Variants in SLC2A13 observed in about 807,000 individuals in gnomAD.
The protein encoded by SLC2A13 is solute carrier family 2 member 13.
SLC2A13 carries 32 observed loss-of-function variants against 64.4 expected under a neutral mutation model. The ratio of observed to expected loss-of-function variants is 0.50; its 90% CI spans 0.37 to 0.67. The LOEUF is 0.67. Among genes scored for constraint, SLC2A13 ranks in the 30% least tolerant of loss-of-function variants. The pLI is 0.00. For missense variants in SLC2A13, 743 were observed against 829.2 expected (o/e 0.90, Z 1.28); for synonymous variants, 338 against 327.1 (o/e 1.03, Z -0.36).
At chr12:39,777,842 C>A (rs552836267) in intron 7 of SLC2A13, among the ~76,000 whole-genome samples, 1 of 152,342 alleles carries the variant, frequency 6.6e-6, no homozygotes, top group African/African-American at 2.4e-5. Context: ...ACCTTGCACT[C>A]ATTCTCCAAG....
At chr12:40,085,984 A>G (rs1938575923) in intron 1 of SLC2A13, among the ~76,000 whole-genome samples, 1 of 152,044 alleles carries the variant, frequency 6.6e-6, no homozygotes, top group Admixed American at 6.6e-5. Context: ...GATTAAAGGC[A>G]CATGCCACCA....
chr12:40,017,124 C>T (rs774906929), intron 3 of SLC2A13, among the ~76,000 whole-genome samples: 4 of 152,150 alleles, frequency 2.6e-5, no homozygotes, highest in African/African-American at 4.8e-5. Context: ...CTCCAAATCT[C>T]AGGAGTCAAA....
intron 2 of SLC2A13, among the ~76,000 whole-genome samples, chr12:40,044,483 C>T (rs1285059180): frequency 6.6e-6 from 1 of 152,048 alleles, no homozygotes; most frequent in Non-Finnish European, 1.5e-5. Flanking sequence ...AATTACATCT[C>T]AATAAAGTTG....
intron 2 of SLC2A13, 77 bp downstream of exon 2, chr12:40,047,974 G>T: frequency 1.5e-6 from 2 of 1,362,988 alleles, no homozygotes; most frequent in South Asian, 1.5e-5. Flanking sequence ...GCTATATTTT[G>T]ACTATGATTT....
chr12:40,028,946 T>C (rs28370681), intron 2 of SLC2A13, among the ~76,000 whole-genome samples: 18,802 of 152,226 alleles, frequency 0.12, 1,539 homozygotes, highest in Middle Eastern at 0.18. Context: ...CCAAATTTGT[T>C]TCTTTATAGT....
At chr12:39,760,301 C>A in intron 9 of SLC2A13, 49 bp from the exon 10 acceptor site, 1 of 1,508,652 alleles carries the variant, frequency 6.6e-7, no homozygotes, top group South Asian at 1.2e-5. Context: ...TAGAGAGAGG[C>A]TTAAGTTGGA....
At chr12:39,779,852 G>C (rs187851910) in intron 7 of SLC2A13, among the ~76,000 whole-genome samples, 1 of 152,360 alleles carries the variant, frequency 6.6e-6, no homozygotes, top group Admixed American at 6.5e-5. Context: ...TCCACTGCAA[G>C]AGTGCCTGCA....
Position 40,105,729 on chromosome 12 carries a change from TG to T in SLC2A13, c.79del (p.Gln27SerfsTer164). Reference sequence around the variant, plus strand: ...CGCGCTCGCCGCGTCCGGCTCCGGCTGCTTCCTGCGCCGCTCGCCCATCAGG... The same window carrying T: ...CGCGCTCGCCGCGTCCGGCTCCGGCTCTTCCTGCGCCGCTCGCCCATCAGG... The part of the protein sequence containing the change: ...SSLMGERRRK[Q>X]PEPDAASAAG... On this transcript the variant is annotated frameshift_variant, in exon 1 of 10. Coordinates refer to ENST00000280871, the MANE Select transcript of SLC2A13 (RefSeq NM_052885.4). LOFTEE classifies it high-confidence loss of function. This position sits in a 1 kb window ranked among gnomAD's most constrained non-coding sequence, Gnocchi z 4.2. 1 of 1,483,112 alleles carries T rather than the reference TG, an allele frequency of 6.7e-7. No homozygotes were observed. The highest frequency in any genetic ancestry group is 9.0e-7 in the Non-Finnish European group (1 of 1,117,238). 91.9% of individuals were successfully genotyped at this position (1,483,112 alleles called of 1,614,324 possible).
At chr12:40,087,366 G>A (rs1358102098) in intron 1 of SLC2A13, among the ~76,000 whole-genome samples, 1 of 151,954 alleles carries the variant, frequency 6.6e-6, no homozygotes, top group Non-Finnish European at 1.5e-5. Flanking sequence ...ACCCCTCTGT[G>A]TTTCTTCCAT....
At chr12:39,887,770 G>A (rs1944506563) in intron 4 of SLC2A13, among the ~76,000 whole-genome samples, 1 of 152,062 alleles carries the variant, frequency 6.6e-6, no homozygotes, top group Non-Finnish European at 1.5e-5. Context: ...TTTCTCCTTG[G>A]CAAGGAAGGA....
chr12:39,880,868 C>A (rs1944321117), intron 4 of SLC2A13, among the ~76,000 whole-genome samples: 1 of 152,196 alleles, frequency 6.6e-6, no homozygotes, highest in South Asian at 2.1e-4. Context: ...AGTAAGCTCT[C>A]TCATCTGAAC....
intron 7 of SLC2A13, among the ~76,000 whole-genome samples, chr12:39,767,549 T>C (rs1227894292): frequency 6.6e-6 from 1 of 152,032 alleles, no homozygotes; most frequent in African/African-American, 2.4e-5. Flanking sequence ...AAGCTAGACA[T>C]TGACTTCTCC....
At chr12:39,821,550 G>C (rs987576544) in intron 7 of SLC2A13, among the ~76,000 whole-genome samples, 1 of 152,140 alleles carries the variant, frequency 6.6e-6, no homozygotes, top group African/African-American at 2.4e-5. Context: ...AGCTTAATGC[G>C]TTGCTCACAC....
At chr12:39,801,380 T>C (rs1021979524) in intron 7 of SLC2A13, among the ~76,000 whole-genome samples, 1 of 143,316 alleles carries the variant, frequency 7.0e-6, no homozygotes, top group Non-Finnish European at 1.5e-5. Context: ...GAAGTTGCTG[T>C]AGGTAGCAAA....
rs1261320510 is a variant in SLC2A13 at position 39,913,119 on chromosome 12, G to C, written c.1034+38138C>G. 3.4e-4 allele frequency among the ~76,000 whole-genome samples: 52 copies of C among 151,882 alleles called. 2 individuals carry two copies. Among genetic ancestry groups the C allele is most frequent in the Admixed American group, 3.4e-3 (52 of 15,232 alleles). The stretch of plus-strand genomic sequence containing the variant: ...TACCTTAGTAAATTTATTGTTACCT[G>C]AGTAAGCAAAAAACATATAGAATGA... On this transcript the variant is annotated intron_variant, in intron 4 of 9. Transcript: ENST00000280871.
At chr12:39,955,567 G>A (rs1210649439) in intron 3 of SLC2A13, among the ~76,000 whole-genome samples, 1 of 152,060 alleles carries the variant, frequency 6.6e-6, no homozygotes, top group African/African-American at 2.4e-5. Flanking sequence ...GCTATGGTAG[G>A]CTAAATAAGG....
intron 7 of SLC2A13, among the ~76,000 whole-genome samples, chr12:39,827,453 G>C (rs1942727644): frequency 6.6e-6 from 1 of 152,082 alleles, no homozygotes; most frequent in South Asian, 2.1e-4. Context: ...ATCTCACTCA[G>C]CATTAAAAAC....
At chr12:39,980,662 A>T (rs1408060361) in intron 3 of SLC2A13, among the ~76,000 whole-genome samples, 1 of 150,620 alleles carries the variant, frequency 6.6e-6, no homozygotes, top group Admixed American at 6.6e-5. Flanking sequence ...AGGAGCACCC[A>T]GATTCATAAA....
chr12:40,098,604 G>C (rs1939042264), intron 1 of SLC2A13, among the ~76,000 whole-genome samples: 1 of 152,228 alleles, frequency 6.6e-6, no homozygotes, highest in Non-Finnish European at 1.5e-5. Flanking sequence ...GAGTGAGTGA[G>C]TGAGTGTCAC....
Sources: allele counts gnomAD v4.1 joint callset (sites outside exome capture counted in the v4.1 genomes callset), GRCh38; gene constraint gnomAD v4.1.1; non-coding constraint Gnocchi (gnomAD v3.1); transcripts MANE v1.5; gene names NCBI Gene and HGNC (gene_info 2026-07-23, HGNC 2026-07-21).